C3orf70: variants seen among roughly 807,000 people sequenced by gnomAD.
C3orf70 encodes the protein UPF0524 protein C3orf70.
In C3orf70, 15 loss-of-function variants were observed where a neutral mutation model predicts 20.7. That is an observed-to-expected ratio of 0.72 (90% CI 0.48 to 1.11). C3orf70 has a LOEUF of 1.11. Ranked by LOEUF, C3orf70 falls within the 50% of genes most tolerant of loss-of-function variation. The pLI is 0.00. For synonymous variants in C3orf70, 161 were observed against 125.7 expected (o/e 1.28, Z -1.88); for missense variants, 332 against 317.6 (o/e 1.05, Z -0.34).
In C3orf70 at chr3:185,091,879, TAATA is replaced by T. The variant is rs1236213748; in HGVS notation, c.197-8320_197-8317del. On this transcript the variant is annotated intron_variant, in intron 1 of 1. Transcript: ENST00000335012. ...ATGTATTATATTATATATATATATA[TAATA>T]TATATACACACATACACACACACAC... 5.5e-5 allele frequency among the ~76,000 whole-genome samples: 7 copies of T among 126,562 alleles called. 2 individuals are homozygous for T. The highest frequency in any genetic ancestry group is 2.2e-4 in the African/African-American group (7 of 31,174). 83.0% of individuals were successfully genotyped at this position (126,562 alleles called of 152,430 possible). A position where few individuals can be genotyped will look rare whatever the true frequency, so the allele number is the denominator to read the frequency against.
rs550847066 is a variant in C3orf70 at position 185,104,959 on chromosome 3, A to C, written c.197-21396T>G. Among the ~76,000 whole-genome samples the C allele has an allele frequency of 7.1e-4, 108 of 152,330 alleles. 1 individual carries two copies. The highest frequency in any genetic ancestry group is 1.6e-4 in the Non-Finnish European group (11 of 68,034). On this transcript the variant is annotated intron_variant, in intron 1 of 1. Transcript: ENST00000335012. ...TAACAAACCTGCACACATACCCCTG[A>C]ACTTAAAAAATAAATATCCAGCAAC...
intron 1 of C3orf70, among the ~76,000 whole-genome samples, chr3:185,114,685 A>G (rs1350673285): frequency 6.6e-6 from 1 of 152,348 alleles, no homozygotes; most frequent in Non-Finnish European, 1.5e-5. Context: ...CCATAGAAGC[A>G]TAGGGTTTTA....
intron 1 of C3orf70, among the ~76,000 whole-genome samples, chr3:185,124,156 G>T (rs764198764): frequency 6.6e-6 from 1 of 152,138 alleles, no homozygotes; most frequent in African/African-American, 2.4e-5. Flanking sequence ...ATGTGCATAG[G>T]TTACAAGCAA....
intron 1 of C3orf70, among the ~76,000 whole-genome samples, chr3:185,128,313 A>C (rs1716454818): frequency 6.6e-6 from 1 of 152,156 alleles, no homozygotes; most frequent in African/African-American, 2.4e-5. Context: ...GGATCACCTG[A>C]GGTCAGGAGT....
rs2108584374 is a variant in C3orf70 at position 185,080,608 on chromosome 3, A to C, written c.*2399T>G. 6.5e-6 allele frequency: 1 copy of C among 152,690 alleles called. No individual in the cohort carries two copies. The highest frequency in any genetic ancestry group is 6.5e-5 in the Admixed American group (1 of 15,296). 9.5% of individuals were successfully genotyped at this position (152,690 alleles called of 1,614,324 possible). On this transcript the variant is annotated 3_prime_UTR_variant, in exon 2 of 2. Coordinates refer to ENST00000335012, the MANE Select transcript of C3orf70 (RefSeq NM_001025266.3). ...GACAGGGCCCTGGTGTTGCTGTTAC[A>C]AACCTGAGTGCGTGATGCATGACTG...
At chr3:185,143,380 C>A (rs1225470396) in intron 1 of C3orf70, among the ~76,000 whole-genome samples, 3 of 152,070 alleles carry the variant, frequency 2.0e-5, no homozygotes, top group Non-Finnish European at 4.4e-5. Context: ...ACTAAACATC[C>A]ATTAAAATGA....
chr3:185,109,909 A>C (rs1372496177), intron 1 of C3orf70, among the ~76,000 whole-genome samples: 1 of 152,332 alleles, frequency 6.6e-6, no homozygotes, highest in East Asian at 1.9e-4. Context: ...CAGAACAGAC[A>C]GAGGTGCTAC....
At chr3:185,130,999 T>G in intron 1 of C3orf70, among the ~76,000 whole-genome samples, 1 of 152,236 alleles carries the variant, frequency 6.6e-6, no homozygotes, top group East Asian at 1.9e-4. Flanking sequence ...CTAAGTCATA[T>G]GGTAACCCTA....
chr3:185,151,683 A>G (rs1716992636), intron 1 of C3orf70, among the ~76,000 whole-genome samples: 1 of 152,236 alleles, frequency 6.6e-6, no homozygotes, highest in African/African-American at 2.4e-5. Context: ...CTCAACAAAG[A>G]AAAATTCATT....
chr3:185,109,273 G>C (rs1561344364), intron 1 of C3orf70, among the ~76,000 whole-genome samples: 1 of 152,178 alleles, frequency 6.6e-6, no homozygotes, highest in Non-Finnish European at 1.5e-5. Context: ...CAATTGGTTT[G>C]GTGGAGAGAT....
rs1321535800 is a variant in C3orf70 at position 185,079,306 on chromosome 3, T to TAAAAAAAAAAAAAAAAAAAAAAAA, written c.*3700_*3701insTTTTTTTTTTTTTTTTTTTTTTTT. Reference sequence around the variant, plus strand: ...AAAAAAAAAAAAAAAAAAAAAAAAGTAAAGCCACCACTCCCAAGATAGAAT... The same window carrying TAAAAAAAAAAAAAAAAAAAAAAAA: ...AAAAAAAAAAAAAAAAAAAAAAAAGTAAAAAAAAAAAAAAAAAAAAAAAAAAAGCCACCACTCCCAAGATAGAAT... On this transcript the variant is annotated 3_prime_UTR_variant, in exon 2 of 2. Coordinates refer to ENST00000335012, the MANE Select transcript of C3orf70 (RefSeq NM_001025266.3). 8 of 122,864 alleles carry TAAAAAAAAAAAAAAAAAAAAAAAA rather than the reference T, an allele frequency of 6.5e-5. No homozygotes were observed. The highest frequency in any genetic ancestry group is 7.7e-5 in the Admixed American group (1 of 13,020). The allele number at this position is 122,864 out of a possible 1,614,324, so 7.6% of individuals were successfully genotyped here.
At chr3:185,134,728 C>A (rs1432181359) in intron 1 of C3orf70, among the ~76,000 whole-genome samples, 1 of 152,196 alleles carries the variant, frequency 6.6e-6, no homozygotes, top group Non-Finnish European at 1.5e-5. Flanking sequence ...AGGCTGACAG[C>A]TGGGGCCAAA....
At position 185,078,588 on chromosome 3, in the gene C3orf70, T is replaced by A. The variant is rs567370844; in HGVS notation, c.*4419A>T. On this transcript the variant is annotated 3_prime_UTR_variant, in exon 2 of 2. Coordinates refer to ENST00000335012, the MANE Select transcript of C3orf70 (RefSeq NM_001025266.3). ...TGTGGAACTCCCACTGGCTTCCCCC[T>A]TCTTCCCTCCTCCTCAGTGGGAGAG... 5.9e-5 allele frequency: 9 copies of A among 152,362 alleles called. No homozygotes were observed. The highest frequency in any genetic ancestry group is 6.8e-3 in the Middle Eastern group (2 of 296). 9.4% of individuals were successfully genotyped at this position (152,362 alleles called of 1,614,324 possible).
intron 1 of C3orf70, among the ~76,000 whole-genome samples, chr3:185,109,136 T>C (rs1231876356): frequency 3.3e-5 from 5 of 152,156 alleles, no homozygotes; most frequent in Non-Finnish European, 7.4e-5. Context: ...ACAGAGAATA[T>C]GGAACCCCAC....
At chr3:185,143,248 G>A (rs575579549) in intron 1 of C3orf70, among the ~76,000 whole-genome samples, 1 of 152,266 alleles carries the variant, frequency 6.6e-6, no homozygotes, top group Middle Eastern at 3.4e-3. Flanking sequence ...GTATTGGGGG[G>A]AAAGGCGAGA....
At chr3:185,127,582 G>A (rs1217274784) in intron 1 of C3orf70, among the ~76,000 whole-genome samples, 1 of 152,104 alleles carries the variant, frequency 6.6e-6, no homozygotes, top group Non-Finnish European at 1.5e-5. Context: ...TGGGATTACA[G>A]GCACATGCCA....
intron 1 of C3orf70, among the ~76,000 whole-genome samples, chr3:185,102,407 A>G (rs758063387): frequency 7.2e-5 from 11 of 152,238 alleles, no homozygotes; most frequent in Middle Eastern, 3.2e-3. Flanking sequence ...AAGAAATCAG[A>G]GATGACACAA....
chr3:185,127,501 G>A (rs62289784), intron 1 of C3orf70, among the ~76,000 whole-genome samples: 9,037 of 152,162 alleles, frequency 0.059, 377 homozygotes, highest in South Asian at 0.1. Flanking sequence ...GTGCAGTGGC[G>A]CGATCTCGGT....
rs1278029008 is a variant in C3orf70 at position 185,079,125 on chromosome 3, C to G, written c.*3882G>C. ...TGAAACCCCGTTTCTACTAAAAATA[C>G]AAAAAATTAGCGAGGCATGGTGGCG... On this transcript the variant is annotated 3_prime_UTR_variant, in exon 2 of 2. Transcript: ENST00000335012. The G allele has an allele frequency of 6.6e-6, 1 of 151,598 alleles. No individual in the cohort carries two copies. The highest frequency in any genetic ancestry group is 6.6e-5 in the Admixed American group (1 of 15,212). 9.4% of individuals were successfully genotyped at this position (151,598 alleles called of 1,614,324 possible). A position where few individuals can be genotyped will look rare whatever the true frequency, so the allele number is the denominator to read the frequency against.
Sources: gnomAD v4.1 joint callset for allele counts (sites outside exome capture counted in the v4.1 genomes callset) on GRCh38, gnomAD v4.1.1 for gene constraint, MANE v1.5 for transcripts, NCBI Gene and HGNC (gene_info 2026-07-23, HGNC 2026-07-21) for gene names.